Variants in CCBE1 observed in about 807,000 individuals in gnomAD.
CCBE1 encodes the protein collagen and calcium binding EGF domains 1, also known as collagen and calcium-binding EGF domain-containing protein 1.
A neutral mutation model predicts 50.0 loss-of-function variants in CCBE1; 37 were observed. That is an observed-to-expected ratio of 0.74 (90% CI 0.57 to 0.97). The LOEUF is 0.97. CCBE1 is among the 50% of genes least tolerant of loss of function. The pLI, the probability that CCBE1 is intolerant of heterozygous loss-of-function variation, is 0.00. For synonymous variants in CCBE1, 234 were observed against 203.7 expected (o/e 1.15, Z -1.27); for missense variants, 538 against 523.8 (o/e 1.03, Z -0.26).
intron 5 of CCBE1, among the ~76,000 whole-genome samples, chr18:59,460,916 CAGAG>C (rs893355145): frequency 2.0e-5 from 3 of 149,658 alleles, no homozygotes; most frequent in Admixed American, 1.3e-4. Flanking sequence ...GCCTGGGTGA[CAGAG>C]GGAGACTCTG....
At chr18:59,644,224 G>C (rs938521321) in intron 2 of CCBE1, among the ~76,000 whole-genome samples, 1 of 152,310 alleles carries the variant, frequency 6.6e-6, no homozygotes, top group South Asian at 2.1e-4. Context: ...ATCTAATGCC[G>C]TTGCTGATCT....
chr18:59,487,911 A>T (rs571915105), intron 2 of CCBE1, among the ~76,000 whole-genome samples: 1 of 152,266 alleles, frequency 6.6e-6, no homozygotes, highest in South Asian at 2.1e-4. Context: ...TCATAGCAGC[A>T]TTATTCACAG....
intron 2 of CCBE1, among the ~76,000 whole-genome samples, chr18:59,665,208 C>A (rs574097456): frequency 1.3e-5 from 2 of 152,092 alleles, no homozygotes; most frequent in Admixed American, 1.3e-4. Context: ...CAAGAGGATG[C>A]AGGCAAAAGT....
intron 2 of CCBE1, among the ~76,000 whole-genome samples, chr18:59,484,142 C>T (rs1469020204): frequency 6.6e-6 from 1 of 152,148 alleles, no homozygotes; most frequent in East Asian, 1.9e-4. Context: ...GTTCAAGCTC[C>T]TAACAACCAG....
chr18:59,512,261 C>G (rs549183757), intron 2 of CCBE1, among the ~76,000 whole-genome samples: 7 of 152,344 alleles, frequency 4.6e-5, no homozygotes, highest in African/African-American at 1.7e-4. Flanking sequence ...CTGGTTAACA[C>G]AAGCCACCTA....
rs1000734540 is a variant in CCBE1, at chr18:59,527,197, A to T, written c.213-46959T>A. Reference sequence around the variant, plus strand: ...ATCTGAGTGCTCCTGTACTGGGTGCATATATATTTAGGATAGCTTTTCTTG... The same window carrying T: ...ATCTGAGTGCTCCTGTACTGGGTGCTTATATATTTAGGATAGCTTTTCTTG... On this transcript the variant is annotated intron_variant, in intron 2 of 10. Transcript: ENST00000439986. Among the ~76,000 whole-genome samples the T allele has an allele frequency of 5.3e-5, 8 of 152,338 alleles. No homozygotes were observed. In the East Asian group the frequency reaches 1.5e-3, roughly 29 times the overall value.
At chr18:59,646,092 C>T (rs189654899) in intron 2 of CCBE1, among the ~76,000 whole-genome samples, 111 of 152,146 alleles carry the variant, frequency 7.3e-4, no homozygotes, top group African/African-American at 2.6e-3. Flanking sequence ...GTAGAGAATT[C>T]CTCTGGAGAA....
chr18:59,589,778 G>A (rs1180281329), intron 2 of CCBE1, among the ~76,000 whole-genome samples: 2 of 119,350 alleles, frequency 1.7e-5, no homozygotes, highest in African/African-American at 3.4e-5. Flanking sequence ...GCGACAGAGC[G>A]AGACTCCATC....
At chr18:59,508,973 T>G (rs1445630873) in intron 2 of CCBE1, among the ~76,000 whole-genome samples, 5 of 152,198 alleles carry the variant, frequency 3.3e-5, no homozygotes, top group Non-Finnish European at 7.3e-5. Flanking sequence ...AGCCCACAGA[T>G]AAGCAGTTTG....
intron 2 of CCBE1, among the ~76,000 whole-genome samples, chr18:59,581,152 G>A (rs1433086101): frequency 6.6e-6 from 1 of 152,092 alleles, no homozygotes; most frequent in Non-Finnish European, 1.5e-5. Flanking sequence ...CAATGTTCAA[G>A]GCACTCCCAC....
intron 2 of CCBE1, among the ~76,000 whole-genome samples, chr18:59,566,761 A>G (rs1361497090): frequency 6.6e-6 from 1 of 152,162 alleles, no homozygotes; most frequent in Non-Finnish European, 1.5e-5. Flanking sequence ...CTTAAATGCT[A>G]TCACCACTCT....
intron 2 of CCBE1, among the ~76,000 whole-genome samples, chr18:59,582,717 A>G (rs1350101976): frequency 6.6e-6 from 1 of 152,160 alleles, no homozygotes; most frequent in Non-Finnish European, 1.5e-5. Context: ...CCCTGCTCCC[A>G]AACTCTTTTT....
At chr18:59,558,254 T>G (rs2052682417) in intron 2 of CCBE1, among the ~76,000 whole-genome samples, 1 of 152,236 alleles carries the variant, frequency 6.6e-6, no homozygotes, top group Admixed American at 6.5e-5. Flanking sequence ...TCAGCAGTCT[T>G]CTAGTTAGTT....
At position 59,445,121 on chromosome 18, in the gene CCBE1, T is replaced by C. The variant is rs375379943; in HGVS notation, c.775+2862A>G. Reference sequence around the variant, plus strand: ...TCCAAGAACTCATCACCAAATCCAATGTCATGAAGCTTTCCTCTATGTTTT... The same window carrying C: ...TCCAAGAACTCATCACCAAATCCAACGTCATGAAGCTTTCCTCTATGTTTT... On this transcript the variant is annotated intron_variant, in intron 7 of 10. Transcript: ENST00000439986. Among the ~76,000 whole-genome samples, 20 of 152,288 alleles carry C rather than the reference T, an allele frequency of 1.3e-4. No homozygotes were observed. The East Asian group carries it at 1.7e-3, about 13-fold the overall frequency.
intron 5 of CCBE1, among the ~76,000 whole-genome samples, chr18:59,458,058 A>G (rs1187916862): frequency 6.6e-6 from 1 of 152,178 alleles, no homozygotes; most frequent in Non-Finnish European, 1.5e-5. Context: ...CTAGTCTTTC[A>G]TCCACTCCAT....
intron 3 of CCBE1, among the ~76,000 whole-genome samples, chr18:59,478,607 T>C (rs141891456): frequency 1.6e-3 from 240 of 152,326 alleles, no homozygotes; most frequent in Non-Finnish European, 2.8e-3. Context: ...TGAGGGAGAC[T>C]ACTTTTAAGG....
chr18:59,539,966 T>G (rs7234077), intron 2 of CCBE1, among the ~76,000 whole-genome samples: 24 of 152,090 alleles, frequency 1.6e-4, no homozygotes, highest in Non-Finnish European at 1.5e-4. Context: ...AGAATTCTAT[T>G]TGGTAAGTTC....
intron 2 of CCBE1, among the ~76,000 whole-genome samples, chr18:59,493,053 A>T (rs1442158331): frequency 1.3e-5 from 2 of 152,174 alleles, no homozygotes; most frequent in East Asian, 1.9e-4. Context: ...TTCCAGGGAG[A>T]TAGATCAGTA....
intron 2 of CCBE1, among the ~76,000 whole-genome samples, chr18:59,514,096 G>A (rs886559679): frequency 1.6e-4 from 25 of 152,192 alleles, no homozygotes; most frequent in Non-Finnish European, 2.4e-4. Context: ...TATGCCTATC[G>A]CAAATTTGTA....
Sources: gnomAD v4.1 joint callset for allele counts (sites outside exome capture counted in the v4.1 genomes callset) on GRCh38, gnomAD v4.1.1 for gene constraint, MANE v1.5 for transcripts, NCBI Gene and HGNC (gene_info 2026-07-23, HGNC 2026-07-21) for gene names.